Variants in CD5L observed in about 807,000 individuals in gnomAD.
CD5L encodes CD5 antigen-like.
A neutral mutation model predicts 40.8 loss-of-function variants in CD5L; 39 were observed. The observed-to-expected ratio is 0.96, with a 90% confidence interval of 0.74 to 1.25. The LOEUF is 1.25. Ranked by LOEUF, CD5L falls within the 50% of genes most tolerant of loss-of-function variation. The probability of loss-of-function intolerance (pLI) is 0.00; values close to 1 mark genes in which losing one functional copy is unlikely to be tolerated. For missense variants in CD5L, 433 were observed against 435.9 expected (o/e 0.99, Z 0.06); for synonymous variants, 192 against 169.6 (o/e 1.13, Z -1.03).
chr1:157,831,140 C>T lies in CD5L; in HGVS notation c.*824G>A, dbSNP rs1656035296. On this transcript the variant is annotated 3_prime_UTR_variant, in exon 6 of 6. Coordinates refer to ENST00000368174, the MANE Select transcript of CD5L (RefSeq NM_005894.3). ...GGCATAAGACACAACTTTAGCCCTCCCTGATCTCTTTCTGCCTCTTTCTTG... is the reference window on the plus strand; with the variant it reads ...GGCATAAGACACAACTTTAGCCCTCTCTGATCTCTTTCTGCCTCTTTCTTG... 1 of 985,338 alleles carries T rather than the reference C, an allele frequency of 1.0e-6. No individual in the cohort carries two copies. The highest frequency in any genetic ancestry group is 4.7e-5 in the South Asian group (1 of 21,284). 61.0% of individuals were successfully genotyped at this position (985,338 alleles called of 1,614,324 possible). A position where few individuals can be genotyped will look rare whatever the true frequency, so the allele number is the denominator to read the frequency against.
Position 157,831,272 on chromosome 1 carries a change from C to T in CD5L, c.*692G>A, listed in dbSNP as rs759519936. On this transcript the variant is annotated 3_prime_UTR_variant, in exon 6 of 6. Transcript: ENST00000368174. ...TGTTGGCAGGTTGTATAGGGATGGA[C>T]AACAAAGATTTTTATTGGGGCAATC... is the stretch of plus-strand genomic sequence containing the variant. 1 of 985,052 alleles carries T rather than the reference C, an allele frequency of 1.0e-6. No individual in the cohort carries two copies. Among genetic ancestry groups the T allele is most frequent in the Non-Finnish European group, 1.2e-6 (1 of 829,860 alleles). The allele number at this position is 985,052 out of a possible 1,614,324, so 61.0% of individuals were successfully genotyped here.
In CD5L at chr1:157,841,806, G is replaced by A. The variant is rs777968122; in HGVS notation, c.-105C>T. The A allele has an allele frequency of 4.5e-5, 42 of 929,008 alleles. No individual in the cohort carries two copies. Among genetic ancestry groups the A allele is most frequent in the Non-Finnish European group, 6.9e-5 (40 of 581,920 alleles). The allele number at this position is 929,008 out of a possible 1,614,324, so 57.5% of individuals were successfully genotyped here. A position where few individuals can be genotyped will look rare whatever the true frequency, so the allele number is the denominator to read the frequency against. On this transcript the variant is annotated 5_prime_UTR_variant, in exon 1 of 6. Coordinates refer to ENST00000368174, the MANE Select transcript of CD5L (RefSeq NM_005894.3). The stretch of plus-strand genomic sequence containing the variant: ...CAAGTATGTTAAGAGGAGGGACAAA[G>A]ACAGGTCCTGAGTGCAGGCAAAGCA...
Position 157,836,124 on chromosome 1 carries a change from G to A in CD5L, c.87C>T (p.Gly29=). 6.2e-7 allele frequency: 1 copy of A among 1,612,554 alleles called. No homozygotes were observed. The highest frequency in any genetic ancestry group is 8.5e-7 in the Non-Finnish European group (1 of 1,179,562). ...CCACCCGCCCTTCACAGCGGTGGAG[G>A]CCCCCCACCAGCCGCACTCCAGATG... ...ASPSGVRLVG[G]LHRCEGRVEV... is the part of the protein sequence containing the mutation. Residue 29 remains glycine, a synonymous_variant, in exon 3 of 6, where the codon GGC becomes GGT. Transcript: ENST00000368174.
chr1:157,832,700 T>C (rs1263471122), intron 5 of CD5L, among the ~76,000 whole-genome samples: 3 of 152,130 alleles, frequency 2.0e-5, no homozygotes, highest in African/African-American at 2.4e-5. Context: ...TGATGACAAA[T>C]GGAATGAGGT....
chr1:157,836,043 C>T lies in CD5L; in HGVS notation c.168G>A (p.Lys56=). 6.2e-7 allele frequency: 1 copy of T among 1,614,194 alleles called. No homozygotes were observed. Among genetic ancestry groups the T allele is most frequent in the African/African-American group, 1.3e-5 (1 of 75,060 alleles). Residue 56 remains lysine, a synonymous_variant, in exon 3 of 6, where the codon AAG becomes AAA. Transcript: ENST00000368174. ...GTVCDDGWDI[K]DVAVLCRELG... is the part of the protein sequence containing the mutation. The stretch of plus-strand genomic sequence containing the variant: ...GCTCCCGGCACAACACAGCCACGTC[C>T]TTAATGTCCCAGCCGTCATCACACA...
chr1:157,829,130 G>A (rs995398338), downstream of CD5L, among the ~76,000 whole-genome samples: 3 of 152,206 alleles, frequency 2.0e-5, no homozygotes, highest in African/African-American at 4.8e-5. Flanking sequence ...ACGGCAATGG[G>A]TTGTTAGAGG....
At chr1:157,829,754 G>A (rs757500562), downstream of CD5L, among the ~76,000 whole-genome samples, 11 of 152,070 alleles carry the variant, frequency 7.2e-5, no homozygotes, top group Non-Finnish European at 1.5e-4. Flanking sequence ...TTGGAAGTAC[G>A]AAAACCAACA....
chr1:157,831,860 G>T lies in CD5L; in HGVS notation c.*104C>A. The T allele has an allele frequency of 1.4e-6, 2 of 1,467,702 alleles. No individual in the cohort carries two copies. Among genetic ancestry groups the T allele is most frequent in the East Asian group, 5.0e-5 (2 of 40,330 alleles). 90.9% of individuals were successfully genotyped at this position (1,467,702 alleles called of 1,614,324 possible). A position where few individuals can be genotyped will look rare whatever the true frequency, so the allele number is the denominator to read the frequency against. On this transcript the variant is annotated 3_prime_UTR_variant, in exon 6 of 6. Coordinates refer to ENST00000368174, the MANE Select transcript of CD5L (RefSeq NM_005894.3). Reference sequence around the variant, plus strand: ...CTCCTGAGGGGATGAGGGAGTAGTGGCTCAAGCCTGAGCCCCAGAATGAGT... The same window carrying T: ...CTCCTGAGGGGATGAGGGAGTAGTGTCTCAAGCCTGAGCCCCAGAATGAGT...
At chr1:157,840,351 C>T (rs1380404370) in intron 1 of CD5L, among the ~76,000 whole-genome samples, 2 of 152,102 alleles carry the variant, frequency 1.3e-5, no homozygotes, top group Non-Finnish European at 2.9e-5. Flanking sequence ...GTCCCTGAGG[C>T]CTATGCATTT....
intron 2 of CD5L, among the ~76,000 whole-genome samples, chr1:157,836,497 A>G (rs1296038998): frequency 6.6e-6 from 1 of 152,252 alleles, no homozygotes; most frequent in African/African-American, 2.4e-5. Flanking sequence ...AAGGCCCTAA[A>G]GAGATCATAA....
downstream of CD5L, among the ~76,000 whole-genome samples, chr1:157,830,348 G>T (rs983930731): frequency 2.3e-5 from 3 of 129,678 alleles, no homozygotes; most frequent in African/African-American, 7.4e-5. Context: ...TGCAATGTCA[G>T]AAATTCATTC....
At position 157,835,963 on chromosome 1, in the gene CD5L, G is replaced by A. The variant is rs753201666; in HGVS notation, c.248C>T (p.Ala83Val). 1 of 1,614,140 alleles carries A rather than the reference G, an allele frequency of 6.2e-7. No individual in the cohort carries two copies. Among genetic ancestry groups the A allele is most frequent in the Non-Finnish European group, 8.5e-7 (1 of 1,180,024 alleles). ...TPSGILYEPPAEKEQKVLIQS... is the reference protein window; with the variant it reads ...TPSGILYEPPVEKEQKVLIQS... ...GATGAGGACCTTTTGCTCTTTTTCT[G>A]CTGGTGGCTCATACAAAATACCACT... Residue 83 changes from alanine (A) to valine (V), a missense_variant, in exon 3 of 6, where the codon GCA (alanine) becomes GTA (valine). Physicochemically the swap from Ala to Val is moderately conservative, Grantham distance 64 (BLOSUM62 0). Coordinates refer to ENST00000368174, the MANE Select transcript of CD5L (RefSeq NM_005894.3).
intron 4 of CD5L, among the ~76,000 whole-genome samples, chr1:157,833,731 G>T (rs564838224): frequency 6.7e-6 from 1 of 149,518 alleles, no homozygotes; most frequent in Admixed American, 6.7e-5. Flanking sequence ...TCAGCCTCCC[G>T]AGTAGCTGGG....
downstream of CD5L, among the ~76,000 whole-genome samples, chr1:157,827,263 G>GGTGTGT (rs1165362017): frequency 8.5e-5 from 10 of 117,092 alleles, no homozygotes; most frequent in African/African-American, 3.2e-4. Context: ...CAGGACAAAT[G>GGTGTGT]GTGTATGTGT....
intron 1 of CD5L, 93 bp downstream of exon 1, chr1:157,841,581 C>A (rs1460567042): frequency 5.4e-6 from 6 of 1,111,348 alleles, no homozygotes; most frequent in African/African-American, 1.6e-5. Context: ...TGAAAAACAT[C>A]TAAATCTGTT....
chr1:157,833,269 G>A lies in CD5L; in HGVS notation c.962C>T (p.Ser321Phe). Residue 321 changes from serine (S) to phenylalanine (F), a missense_variant, in exon 5 of 6, where the codon TCC (serine) becomes TTC (phenylalanine). Transcript: ENST00000368174. Reference sequence around the variant, plus strand: ...AAATCTGTGCTGGCACTGCTCCAGGGACTGCTCCTCCCCTGAGCAACGAAC... The same window carrying A: ...AAATCTGTGCTGGCACTGCTCCAGGAACTGCTCCTCCCCTGAGCAACGAAC... ...DNVRCSGEEQ[S>F]LEQCQHRFWG... The A allele has an allele frequency of 6.2e-7, 1 of 1,614,188 alleles. No individual in the cohort carries two copies. The highest frequency in any genetic ancestry group is 2.2e-5 in the East Asian group (1 of 44,872).
chr1:157,835,345 GT>G (rs1466151687), intron 3 of CD5L, among the ~76,000 whole-genome samples: 4 of 152,184 alleles, frequency 2.6e-5, no homozygotes, highest in Non-Finnish European at 4.4e-5. Flanking sequence ...GCACAGATCC[GT>G]TTGTCTATGT....
chr1:157,839,487 A>G, intron 1 of CD5L, 77 bp from the exon 2 acceptor site: 1 of 1,482,492 alleles, frequency 6.7e-7, no homozygotes, highest in Non-Finnish European at 9.3e-7. Context: ...GAAGGCCTTC[A>G]CAGAACTGTG....
chr1:157,841,762 C>G lies in CD5L; in HGVS notation c.-61G>C. 2 of 1,471,438 alleles carry G rather than the reference C, an allele frequency of 1.4e-6. No homozygotes were observed. The highest frequency in any genetic ancestry group is 1.9e-6 in the Non-Finnish European group (2 of 1,056,350). 91.1% of individuals were successfully genotyped at this position (1,471,438 alleles called of 1,614,324 possible). On this transcript the variant is annotated 5_prime_UTR_variant, in exon 1 of 6. Transcript: ENST00000368174. ...AGGCTAGAAGGAGGTCCCCAAGCAG[C>G]AATATTTAGTTTTAGCTGCAAGTAT... is the stretch of plus-strand genomic sequence containing the variant.
Sources: gnomAD v4.1 joint callset for allele counts (sites outside exome capture counted in the v4.1 genomes callset) on GRCh38, gnomAD v4.1.1 for gene constraint, MANE v1.5 for transcripts, NCBI Gene and HGNC (gene_info 2026-07-23, HGNC 2026-07-21) for gene names.